HIBCH: variants seen among roughly 807,000 people sequenced by gnomAD.
HIBCH encodes 3-hydroxyisobutyryl-CoA hydrolase.
HIBCH carries 50 observed loss-of-function variants against 58.2 expected under a neutral mutation model. That is an observed-to-expected ratio of 0.86 (90% CI 0.68 to 1.09). HIBCH has a LOEUF of 1.09. Among genes scored for constraint, HIBCH ranks in the 50% least tolerant of loss-of-function variants. The pLI, the probability that HIBCH is intolerant of heterozygous loss-of-function variation, is 0.00. For synonymous variants in HIBCH, 151 were observed against 146.9 expected (o/e 1.03, Z -0.20); for missense variants, 450 against 449.7 (o/e 1.00, Z -0.01).
intron 11 of HIBCH, among the ~76,000 whole-genome samples, chr2:190,227,075 CTACTT>C (rs1685927821): frequency 1.3e-5 from 2 of 152,136 alleles, no homozygotes; most frequent in African/African-American, 4.8e-5. Context: ...TTGGAAAAAA[CTACTT>C]TAAAGTTCAT....
Position 190,212,622 on chromosome 2 carries a change from G to A in HIBCH, c.1011+334C>T, listed in dbSNP as rs578234172. Among the ~76,000 whole-genome samples, 12 of 151,914 alleles carry A rather than the reference G, an allele frequency of 7.9e-5. 1 individual carries two copies. The South Asian group carries it at 2.3e-3, about 29-fold the overall frequency. On this transcript the variant is annotated intron_variant, in intron 12 of 13. Coordinates refer to ENST00000359678, the MANE Select transcript of HIBCH (RefSeq NM_014362.4). ...TAATCCTCTTCATTTTACCAATGAGGGAATTCACATTTACAGAGTTTATAT... is the reference window on the plus strand; with the variant it reads ...TAATCCTCTTCATTTTACCAATGAGAGAATTCACATTTACAGAGTTTATAT...
chr2:190,294,442 T>G, intron 4 of HIBCH, 104 bp downstream of exon 4: 1 of 795,200 alleles, frequency 1.3e-6, no homozygotes, highest in Middle Eastern at 3.6e-4. Flanking sequence ...TAATAAAAAG[T>G]TCTAAAAAGT....
At chr2:190,231,042 G>T (rs1686080524) in intron 11 of HIBCH, among the ~76,000 whole-genome samples, 1 of 152,106 alleles carries the variant, frequency 6.6e-6, no homozygotes, top group Admixed American at 6.5e-5. Context: ...CATTGTCCCA[G>T]AAACAGACTC....
In HIBCH at chr2:190,281,797, A is replaced by C. The variant is rs1687710866; in HGVS notation, c.438+5789T>G. On this transcript the variant is annotated intron_variant, in intron 6 of 13. Transcript: ENST00000359678. This position sits in a 1 kb window ranked among gnomAD's most constrained non-coding sequence, Gnocchi z 5.4. ...ATGCAGCAGCCTGAATGCTTTGCGG[A>C]TTAGATAGATCTTCTTCCAGGCATT... Among the ~76,000 whole-genome samples, 2 of 152,146 alleles carry C rather than the reference A, an allele frequency of 1.3e-5. No homozygotes were observed. Among genetic ancestry groups the C allele is most frequent in the South Asian group, 4.1e-4 (2 of 4,830 alleles).
chr2:190,209,390 T>A lies in HIBCH; in HGVS notation c.1012-477A>T, dbSNP rs1482296467. Among the ~76,000 whole-genome samples the A allele has an allele frequency of 6.6e-6, 1 of 152,178 alleles. No homozygotes were observed. Among genetic ancestry groups the A allele is most frequent in the Non-Finnish European group, 1.5e-5 (1 of 68,038 alleles). ...CAACTGTGACTGGTTTCATTTAAAA[T>A]TCATGATCAAAAATCTCAAACAGGC... On this transcript the variant is annotated intron_variant, in intron 12 of 13. Transcript: ENST00000359678. This position sits in a 1 kb window ranked among gnomAD's most constrained non-coding sequence, Gnocchi z 5.6.
At position 190,261,058 on chromosome 2, in the gene HIBCH, A is replaced by C. The variant is rs564000907; in HGVS notation, c.517+98T>G. 14 of 879,676 alleles carry C rather than the reference A, an allele frequency of 1.6e-5. No individual in the cohort carries two copies. In the East Asian group the frequency reaches 3.2e-4, roughly 20 times the overall value. The allele number at this position is 879,676 out of a possible 1,614,324, so 54.5% of individuals were successfully genotyped here. ...AAATCCTTTCATTGTTGCATCTCAC[A>C]CAAGAGTCCATCAATTCCTTCAACA... is the stretch of plus-strand genomic sequence containing the variant. On this transcript the variant is annotated intron_variant, in intron 7 of 13. Coordinates refer to ENST00000359678, the MANE Select transcript of HIBCH (RefSeq NM_014362.4).
chr2:190,227,114 T>C (rs1212939622), intron 11 of HIBCH, among the ~76,000 whole-genome samples: 2 of 152,130 alleles, frequency 1.3e-5, no homozygotes, highest in South Asian at 2.1e-4. Context: ...AGAGCCCACA[T>C]TGCCAAGTCA....
At chr2:190,305,430 C>T (rs1399202319) in intron 2 of HIBCH, among the ~76,000 whole-genome samples, 1 of 152,126 alleles carries the variant, frequency 6.6e-6, no homozygotes, top group Non-Finnish European at 1.5e-5. Context: ...CTTGTGGCAG[C>T]ATAACTCCAA....
chr2:190,227,495 A>C (rs1001984742), intron 11 of HIBCH, among the ~76,000 whole-genome samples: 1 of 152,232 alleles, frequency 6.6e-6, no homozygotes, highest in African/African-American at 2.4e-5. Flanking sequence ...AATACCATTC[A>C]GGCCATAGGC....
rs555644219 is a variant in HIBCH, at chr2:190,303,168, C to A, written c.79-6215G>T. On this transcript the variant is annotated intron_variant, in intron 2 of 13. Coordinates refer to ENST00000359678, the MANE Select transcript of HIBCH (RefSeq NM_014362.4). ...CACATATACAGAAAAAGTACAGAAA[C>A]AATTAGAGATATGCATGAATACATG... Among the ~76,000 whole-genome samples the A allele has an allele frequency of 3.9e-5, 6 of 152,226 alleles. No individual in the cohort carries two copies. In the South Asian group the frequency reaches 1.2e-3, roughly 32 times the overall value.
chr2:190,264,355 C>T (rs1269911953), intron 6 of HIBCH, among the ~76,000 whole-genome samples: 1 of 151,524 alleles, frequency 6.6e-6, no homozygotes, highest in African/African-American at 2.4e-5. Flanking sequence ...ATAGTACGTT[C>T]GCAAGCATAT....
In HIBCH at chr2:190,306,338, G is replaced by T. The variant is rs1193089213; in HGVS notation, c.78+4416C>A. 6.6e-6 allele frequency among the ~76,000 whole-genome samples: 1 copy of T among 152,046 alleles called. No homozygotes were observed. Among genetic ancestry groups the T allele is most frequent in the African/African-American group, 2.4e-5 (1 of 41,382 alleles). On this transcript the variant is annotated intron_variant, in intron 2 of 13. Coordinates refer to ENST00000359678, the MANE Select transcript of HIBCH (RefSeq NM_014362.4). This position sits in a 1 kb window ranked among gnomAD's most constrained non-coding sequence, Gnocchi z 4.6. ...CAAGGGCCTGACCACTCCTTGCCTG[G>T]GTCATTTTCAAGGTAGCCACCATGA... is the stretch of plus-strand genomic sequence containing the variant.
chr2:190,200,248 T>G (rs773776752), downstream of HIBCH: 9 of 941,058 alleles, frequency 9.6e-6, no homozygotes, highest in Non-Finnish European at 1.5e-5. Context: ...CTATCTGGAT[T>G]TAAAAATGTG....
At chr2:190,212,748 T>C (rs1376072512) in intron 12 of HIBCH, among the ~76,000 whole-genome samples, 1 of 152,216 alleles carries the variant, frequency 6.6e-6, no homozygotes, top group Non-Finnish European at 1.5e-5. Flanking sequence ...GACATGCAAA[T>C]GTAATTGCTA....
At chr2:190,213,298 AAAAT>A (rs1304252489) in intron 11 of HIBCH, 3 of 520,004 alleles carry the variant, frequency 5.8e-6, no homozygotes, top group Non-Finnish European at 1.0e-5. Context: ...TGTGACTAAT[AAAAT>A]AAATCCATAT....
Position 190,245,332 on chromosome 2 carries a change from A to T in HIBCH, c.810-364T>A, listed in dbSNP as rs1198966910. 1.3e-5 allele frequency: 3 copies of T among 224,916 alleles called. No individual in the cohort carries two copies. The Admixed American group carries it at 1.6e-4, about 12-fold the overall frequency. 13.9% of individuals were successfully genotyped at this position (224,916 alleles called of 1,614,324 possible). A position where few individuals can be genotyped will look rare whatever the true frequency, so the allele number is the denominator to read the frequency against. On this transcript the variant is annotated intron_variant, in intron 10 of 13. Coordinates refer to ENST00000359678, the MANE Select transcript of HIBCH (RefSeq NM_014362.4). The stretch of plus-strand genomic sequence containing the variant: ...AGCCAGTTTGTCAATCTCTCAAATC[A>T]TCACACAAAACCTTTTTTGCTGATC...
intron 1 of HIBCH, among the ~76,000 whole-genome samples, chr2:190,191,302 CCTG>C (rs1689698383): frequency 6.6e-6 from 1 of 152,050 alleles, no homozygotes; most frequent in East Asian, 1.9e-4. Flanking sequence ...ACCACTATGC[CCTG>C]CTAACTTTCT....
intron 11 of HIBCH, among the ~76,000 whole-genome samples, chr2:190,224,121 T>G (rs1423216496): frequency 1.3e-5 from 2 of 152,186 alleles, no homozygotes; most frequent in African/African-American, 4.8e-5. Context: ...TGCACCTGGC[T>G]CAGAGGGTCC....
rs571372634 is a variant in HIBCH, at chr2:190,211,695, T to C, written c.1011+1261A>G. Among the ~76,000 whole-genome samples the C allele has an allele frequency of 6.6e-6, 1 of 152,322 alleles. No individual in the cohort carries two copies. The highest frequency in any genetic ancestry group is 2.4e-5 in the African/African-American group (1 of 41,584). On this transcript the variant is annotated intron_variant, in intron 12 of 13. Coordinates refer to ENST00000359678, the MANE Select transcript of HIBCH (RefSeq NM_014362.4). The surrounding 1 kb of genome is among the most constrained non-coding windows in gnomAD (Gnocchi z 5.0). ...AATCTCTTCTATCACCAACCCTGTA[T>C]GTTTTCCTTTAGAGTACTTATCACA...
Sources: gnomAD v4.1 joint callset for allele counts (sites outside exome capture counted in the v4.1 genomes callset) on GRCh38, gnomAD v4.1.1 for gene constraint, Gnocchi (gnomAD v3.1) non-coding constraint, MANE v1.5 for transcripts, NCBI Gene and HGNC (gene_info 2026-07-23, HGNC 2026-07-21) for gene names.